The following HDX variants were observed in gnomAD, a reference collection of about 807,000 sequenced individuals.
HDX encodes chromosome X open reading frame 43.
In HDX, 19 loss-of-function variants were observed where a neutral mutation model predicts 45.2. The observed-to-expected ratio is 0.42, with a 90% CI of 0.29 to 0.62. HDX has a LOEUF of 0.62. HDX is among the 20% of genes least tolerant of loss of function. HDX has a pLI of 0.20. For synonymous variants in HDX, 188 were observed against 172.8 expected (o/e 1.09, Z -0.69); for missense variants, 532 against 493.9 (o/e 1.08, Z -0.73).
At position 84,395,036 on chromosome X, in the gene HDX, G is replaced by T. The variant is rs374543996; in HGVS notation, c.1306-33424C>A. ...TCAGAGTTTATTCTTGTCATCCTATGAATTGATTTCTGGTTGTTTTGCATA... is the reference window on the plus strand; with the variant it reads ...TCAGAGTTTATTCTTGTCATCCTATTAATTGATTTCTGGTTGTTTTGCATA... On this transcript the variant is annotated intron_variant, in intron 5 of 10. Transcript: ENST00000373177. Among the ~76,000 whole-genome samples the T allele has an allele frequency of 6.5e-4, 72 of 110,925 alleles. No homozygotes were observed. In the East Asian group the frequency reaches 0.019, roughly 29 times the overall value.
chrX:84,396,801 C>T (rs1320471868), intron 5 of HDX, among the ~76,000 whole-genome samples: 1 of 110,816 alleles, frequency 9.0e-6, no homozygotes, highest in Non-Finnish European at 1.9e-5. Context: ...AGGAGACAGG[C>T]TGGGTGATCC....
intron 10 of HDX, among the ~76,000 whole-genome samples, chrX:84,323,446 G>A (rs1352155325): frequency 2.7e-5 from 3 of 111,249 alleles, no homozygotes; most frequent in African/African-American, 6.5e-5. Context: ...CCATATTAAA[G>A]AGGAGAAAGT....
In HDX at chrX:84,468,995, A is replaced by G; in HGVS notation, c.728T>C (p.Leu243Ser). Residue 243 changes from leucine (L) to serine (S), a missense_variant, in exon 4 of 11, where the codon TTA becomes TCA. This residue lies in a region of HDX where 376 missense variants were observed against 343.7 expected (regional missense o/e 1.09). Coordinates refer to ENST00000373177, the MANE Select transcript of HDX (RefSeq NM_001177479.2). The part of the protein sequence containing the change: ...PEHTGPALHN[L>S]CGQKPTIRDP... ...TCTAATAGTTGGCTTTTGCCCACAT[A>G]AGTTATGTAATGCTGGGCCTGTGTG... 1.7e-6 allele frequency: 2 copies of G among 1,211,498 alleles called. No homozygotes were observed. The highest frequency in any genetic ancestry group is 2.2e-6 in the Non-Finnish European group (2 of 895,316).
intron 5 of HDX, among the ~76,000 whole-genome samples, chrX:84,391,172 T>G (rs979548033): frequency 9.3e-6 from 1 of 107,904 alleles, no homozygotes; most frequent in African/African-American, 3.3e-5. Context: ...ATAAACGTTT[T>G]TAGCTGTCAC....
At chrX:84,407,375 G>T (rs910046596) in intron 5 of HDX, among the ~76,000 whole-genome samples, 7 of 111,132 alleles carry the variant, frequency 6.3e-5, no homozygotes, top group Non-Finnish European at 1.1e-4. Context: ...TCATGTTGGG[G>T]CAAAGGACAT....
At chrX:84,370,167 G>A (rs1033828040) in intron 5 of HDX, among the ~76,000 whole-genome samples, 5 of 111,985 alleles carry the variant, frequency 4.5e-5, no homozygotes, top group African/African-American at 1.3e-4. Flanking sequence ...TGGGACACTC[G>A]TGTTTTCTAT....
intron 4 of HDX, among the ~76,000 whole-genome samples, chrX:84,465,294 C>A (rs879993777): frequency 8.9e-6 from 1 of 111,838 alleles, no homozygotes; most frequent in African/African-American, 3.3e-5. Context: ...CCAGATATAC[C>A]ATTTGAGCTA....
intron 5 of HDX, among the ~76,000 whole-genome samples, chrX:84,371,935 C>T (rs942369234): frequency 9.0e-6 from 1 of 111,555 alleles, no homozygotes; most frequent in Non-Finnish European, 1.9e-5. Context: ...TGATTAGGCA[C>T]CAGTTATATG....
intron 5 of HDX, among the ~76,000 whole-genome samples, chrX:84,425,859 G>GA (rs902835687): frequency 1.8e-4 from 19 of 107,046 alleles, no homozygotes; most frequent in Non-Finnish European, 2.1e-4. Context: ...GTTAATGTGT[G>GA]AAAAAAAAAT....
intron 5 of HDX, among the ~76,000 whole-genome samples, chrX:84,400,144 G>A (rs2038664843): frequency 9.1e-6 from 1 of 109,698 alleles, no homozygotes. Flanking sequence ...TTGAAAACCG[G>A]TACAGGACAA....
chrX:84,405,735 C>T (rs1046582489), intron 5 of HDX, among the ~76,000 whole-genome samples: 11 of 106,716 alleles, frequency 1.0e-4, no homozygotes, highest in Non-Finnish European at 1.5e-4. Context: ...CTGTTTTTCT[C>T]TTCTTGGAGC....
At chrX:84,480,299 C>T (rs933823176) in intron 2 of HDX, among the ~76,000 whole-genome samples, 1 of 111,392 alleles carries the variant, frequency 9.0e-6, no homozygotes, top group African/African-American at 3.3e-5. Context: ...CAGGGACAAG[C>T]TTATTTCTTG....
intron 5 of HDX, among the ~76,000 whole-genome samples, chrX:84,410,285 G>A (rs1280748046): frequency 9.0e-6 from 1 of 110,761 alleles, no homozygotes; most frequent in African/African-American, 3.3e-5. Context: ...ATGTTGCTGT[G>A]TGTTGGTTAC....
chrX:84,391,661 C>T (rs1216017292), intron 5 of HDX, among the ~76,000 whole-genome samples: 1 of 111,299 alleles, frequency 9.0e-6, no homozygotes, highest in Non-Finnish European at 1.9e-5. Flanking sequence ...GGTGTGATAT[C>T]TCATCATGGT....
At chrX:84,438,889 G>A in intron 5 of HDX, among the ~76,000 whole-genome samples, 1 of 110,896 alleles carries the variant, frequency 9.0e-6, no homozygotes, top group Middle Eastern at 4.7e-3. Flanking sequence ...ATTTTCCTTT[G>A]GGTATATACC....
chrX:84,375,484 T>C (rs1443259006), intron 5 of HDX, among the ~76,000 whole-genome samples: 1 of 111,918 alleles, frequency 8.9e-6, no homozygotes, highest in Non-Finnish European at 1.9e-5. Flanking sequence ...AGCAAAGGCT[T>C]GGAACCAACC....
intron 5 of HDX, among the ~76,000 whole-genome samples, chrX:84,415,366 G>A (rs772676116): frequency 8.9e-6 from 1 of 111,810 alleles, no homozygotes; most frequent in East Asian, 2.8e-4. Context: ...ATTTCTCTCA[G>A]TATCACCCCA....
chrX:84,334,787 T>G (rs1179515332), intron 8 of HDX, among the ~76,000 whole-genome samples: 2 of 107,522 alleles, frequency 1.9e-5, no homozygotes, highest in Non-Finnish European at 3.9e-5. Context: ...CCAAAGAAAA[T>G]TTTTAAAGAG....
In HDX at chrX:84,374,625, G is replaced by C. The variant is rs1291234132; in HGVS notation, c.1306-13013C>G. On this transcript the variant is annotated intron_variant, in intron 5 of 10. Transcript: ENST00000373177. ...ACTATCTGATCTTTGACTAACCTGA[G>C]AAAAACAAGCAATGGGGAAAGGATT... Among the ~76,000 whole-genome samples, 11 of 103,879 alleles carry C rather than the reference G, an allele frequency of 1.1e-4. No individual in the cohort carries two copies. The Admixed American group carries it at 1.2e-3, about 11-fold the overall frequency. The allele number at this position is 103,879 out of a possible 115,157, so 90.2% of individuals were successfully genotyped here.
Sources: gnomAD v4.1 joint callset for allele counts (sites outside exome capture counted in the v4.1 genomes callset) on GRCh38, gnomAD v4.1.1 for gene constraint, gnomAD v4.1.1 regional missense constraint, MANE v1.5 for transcripts, NCBI Gene and HGNC (gene_info 2026-07-23, HGNC 2026-07-21) for gene names.